ENTREP2: variants seen among roughly 807,000 people sequenced by gnomAD.
The protein encoded by ENTREP2 is endosomal transmembrane epsin interactor 2.
the ENTREP2 span, among the ~76,000 whole-genome samples, chr15:29,427,511 C>G: frequency 6.6e-6 from 1 of 152,176 alleles, no homozygotes; most frequent in Non-Finnish European, 1.5e-5. Flanking sequence ...CTGGAAGCTC[C>G]AGGGGAGAGT....
chr15:29,655,852 C>CT, the ENTREP2 span, among the ~76,000 whole-genome samples: 1 of 152,034 alleles, frequency 6.6e-6, no homozygotes, highest in Non-Finnish European at 1.5e-5. Context: ...TGGCAAAACT[C>CT]TGTCTCTAGT....
At chr15:29,168,236 C>T in the ENTREP2 span, among the ~76,000 whole-genome samples, 1 of 152,044 alleles carries the variant, frequency 6.6e-6, no homozygotes. Context: ...GTATACTGCT[C>T]GGGTGTTGAG....
the ENTREP2 span, among the ~76,000 whole-genome samples, chr15:29,493,129 T>G: frequency 1.2e-5 from 1 of 84,362 alleles, no homozygotes; most frequent in African/African-American, 4.7e-5. Flanking sequence ...ACAACCCTTT[T>G]TTTTTTTTTT....
chr15:29,226,685 C>A, the ENTREP2 span, among the ~76,000 whole-genome samples: 1 of 151,924 alleles, frequency 6.6e-6, no homozygotes, highest in Non-Finnish European at 1.5e-5. Context: ...AGGACCCTGG[C>A]GACATAATTG....
the ENTREP2 span, among the ~76,000 whole-genome samples, chr15:29,300,625 G>A: frequency 1.3e-5 from 2 of 152,142 alleles, no homozygotes; most frequent in African/African-American, 4.8e-5. Context: ...TTGAGATGGA[G>A]TCTCGCTCTG....
chr15:29,473,164 T>C, the ENTREP2 span, among the ~76,000 whole-genome samples: 2 of 152,114 alleles, frequency 1.3e-5, no homozygotes, highest in African/African-American at 2.4e-5. Context: ...GAGGAGCAGG[T>C]GGCCCAGCTT....
the ENTREP2 span, among the ~76,000 whole-genome samples, chr15:29,391,418 A>G: frequency 6.6e-6 from 1 of 152,062 alleles, no homozygotes; most frequent in Non-Finnish European, 1.5e-5. Flanking sequence ...AGCTTTCATT[A>G]TCTTCTCAAG....
chr15:29,565,962 A>G, the ENTREP2 span, among the ~76,000 whole-genome samples: 1 of 149,054 alleles, frequency 6.7e-6, no homozygotes, highest in Admixed American at 6.7e-5. Flanking sequence ...CTCTGTCTCA[A>G]AAAAAAAAAG....
the ENTREP2 span, among the ~76,000 whole-genome samples, chr15:29,151,150 C>T: frequency 6.6e-6 from 1 of 152,058 alleles, no homozygotes. Context: ...GTATTAATAA[C>T]CCACATATTA....
the ENTREP2 span, among the ~76,000 whole-genome samples, chr15:29,149,658 C>CAT: frequency 6.6e-6 from 1 of 152,200 alleles, no homozygotes; most frequent in Non-Finnish European, 1.5e-5. Context: ...GAAACGGGGT[C>CAT]CCACAGGCAG....
chr15:29,610,558 C>T, the ENTREP2 span: 43,078 of 150,204 alleles, frequency 0.29, 7,883 homozygotes, highest in African/African-American at 0.36. Flanking sequence ...TTCATTCTCT[C>T]TTCCAGAAAC....
the ENTREP2 span, among the ~76,000 whole-genome samples, chr15:29,493,843 G>T: frequency 6.6e-6 from 1 of 151,848 alleles, no homozygotes; most frequent in African/African-American, 2.4e-5. Context: ...CCAGGGTGGT[G>T]GCTCACACCC....
At chr15:29,287,227 G>A in the ENTREP2 span, among the ~76,000 whole-genome samples, 1 of 152,106 alleles carries the variant, frequency 6.6e-6, no homozygotes, top group Non-Finnish European at 1.5e-5. Flanking sequence ...CCCATGGAAT[G>A]GGGAAGAAAG....
chr15:29,369,585 GAAATT>G, the ENTREP2 span, among the ~76,000 whole-genome samples: 3 of 128,466 alleles, frequency 2.3e-5, no homozygotes, highest in Admixed American at 2.1e-4. Flanking sequence ...CTTTTAGGCT[GAAATT>G]AAACACACAC....
the ENTREP2 span, among the ~76,000 whole-genome samples, chr15:29,292,691 A>C: frequency 1.2e-4 from 18 of 152,164 alleles, no homozygotes; most frequent in Non-Finnish European, 1.9e-4. Context: ...ATGCGTTTTC[A>C]TATATTCCAT....
chr15:29,466,860 G>C, the ENTREP2 span, among the ~76,000 whole-genome samples: 1 of 140,454 alleles, frequency 7.1e-6, no homozygotes, highest in East Asian at 2.2e-4. Context: ...GGGCCCAGGG[G>C]AGGATGCTGC....
At chr15:29,301,589 G>C in the ENTREP2 span, among the ~76,000 whole-genome samples, 2 of 152,174 alleles carry the variant, frequency 1.3e-5, no homozygotes, top group Non-Finnish European at 2.9e-5. Context: ...CTTTGACTAA[G>C]GAGAGGCATG....
At chr15:29,231,147 T>C in the ENTREP2 span, among the ~76,000 whole-genome samples, 8 of 152,294 alleles carry the variant, frequency 5.3e-5, no homozygotes, top group South Asian at 1.7e-3. Flanking sequence ...CAGGATTTAA[T>C]CTAATTAGAT....
chr15:29,442,296 C>T, the ENTREP2 span, among the ~76,000 whole-genome samples: 1 of 152,132 alleles, frequency 6.6e-6, no homozygotes, highest in Admixed American at 6.5e-5. Context: ...CCATCGCCAT[C>T]TGGGTAAAGA....
Sources: gnomAD v4.1 joint callset for allele counts (sites outside exome capture counted in the v4.1 genomes callset) on GRCh38, gnomAD v4.1.1 for gene constraint, MANE v1.5 for transcripts, NCBI Gene and HGNC (gene_info 2026-07-23, HGNC 2026-07-21) for gene names.